Variants in GAK observed in about 807,000 individuals in gnomAD.
GAK encodes cyclin-G-associated kinase.
GAK carries 79 observed loss-of-function variants against 143.9 expected under a neutral mutation model. That is an observed-to-expected ratio of 0.55 (90% CI 0.46 to 0.66). The LOEUF is 0.66. Among genes scored for constraint, GAK ranks in the 30% least tolerant of loss-of-function variants. The pLI is 0.00. For missense variants in GAK, 1,693 were observed against 1,779.7 expected, an observed-to-expected ratio of 0.95 and a Z score of 0.88; for synonymous variants, 881 against 765.5, an observed-to-expected ratio of 1.15 and a Z score of -2.49.
chr4:849,796 A>C, intron 27 of GAK, 22 bp from the exon 28 acceptor site: 1 of 1,604,072 alleles, frequency 6.2e-7, no homozygotes, highest in Non-Finnish European at 8.5e-7. Flanking sequence ...AGGCGGTGTA[A>C]GCGCCTCTTA....
At chr4:906,374 C>A (rs142021386) in intron 4 of GAK, among the ~76,000 whole-genome samples, 108 of 152,336 alleles carry the variant, frequency 7.1e-4, no homozygotes, top group Non-Finnish European at 1.3e-3. Context: ...GTGACCCACA[C>A]CCCAGGGAGC....
intron 9 of GAK, among the ~76,000 whole-genome samples, chr4:891,043 C>T (rs945935958): frequency 1.3e-5 from 2 of 151,956 alleles, no homozygotes; most frequent in East Asian, 1.9e-4. Context: ...CCGCAACCTC[C>T]GCCTCATGAG....
chr4:899,235 C>T (rs991608084), intron 5 of GAK, among the ~76,000 whole-genome samples: 1 of 152,220 alleles, frequency 6.6e-6, no homozygotes, highest in Non-Finnish European at 1.5e-5. Flanking sequence ...CGGAAGATGG[C>T]CCAGAGGAGC....
At chr4:849,821 C>CGGGGGGG in intron 27 of GAK, 47 bp from the exon 28 acceptor site, 17 of 1,435,186 alleles carry the variant, frequency 1.2e-5, no homozygotes, top group Admixed American at 2.0e-5. Context: ...CATGCGGGGG[C>CGGGGGGG]GGGCGGGGCA....
intron 18 of GAK, 28 bp from the exon 19 acceptor site, chr4:870,932 G>C: frequency 6.3e-7 from 1 of 1,581,812 alleles, no homozygotes; most frequent in East Asian, 2.3e-5. Flanking sequence ...CACCACTTAG[G>C]AAGGCCACCC....
intron 9 of GAK, among the ~76,000 whole-genome samples, chr4:893,072 G>T (rs910979583): frequency 5.3e-5 from 8 of 152,284 alleles, no homozygotes; most frequent in African/African-American, 1.7e-4. Flanking sequence ...GGGGGATTTG[G>T]GGCTCACATG....
At position 912,873 on chromosome 4, in the gene GAK, A is replaced by C. The variant is rs190858431; in HGVS notation, c.208-79T>G. On this transcript the variant is annotated intron_variant, in intron 2 of 27. Transcript: ENST00000314167. ...CCACCCGATGCATCATCTCAGACATAAGCACGCAACAGAGCAATGCAATGT... is the reference window on the plus strand; with the variant it reads ...CCACCCGATGCATCATCTCAGACATCAGCACGCAACAGAGCAATGCAATGT... The C allele has an allele frequency of 5.4e-4, 671 of 1,239,468 alleles. 1 individual carries two copies. Among genetic ancestry groups the C allele is most frequent in the Non-Finnish European group, 7.1e-4 (599 of 849,622 alleles). 76.8% of individuals were successfully genotyped at this position (1,239,468 alleles called of 1,614,324 possible). A position where few individuals can be genotyped will look rare whatever the true frequency, so the allele number is the denominator to read the frequency against.
Position 888,858 on chromosome 4 carries a change from C to T in GAK, c.1194G>A (p.Gln398=). 1 of 1,606,972 alleles carries T rather than the reference C, an allele frequency of 6.2e-7. No individual in the cohort carries two copies. Residue 398 remains glutamine, a synonymous_variant, in exon 11 of 28, where the codon CAG becomes CAA. Transcript: ENST00000314167. ...NLKDTSSKVI[Q]SVANYAKGDL... is the part of the protein sequence containing the mutation. ...AGCCTCACACTCACTTAGCGACGGA[C>T]TGGATGACCTTGGAGGAGGTGTCCT...
At chr4:894,248 C>CT (rs138586019) in intron 7 of GAK, 45 of 281,166 alleles carry the variant, frequency 1.6e-4, no homozygotes, top group African/African-American at 1.1e-3. Context: ...ACACCCGGGC[C>CT]GCGGGGAGCG....
rs1233878870 is a variant in GAK, at chr4:883,378, T to C, written c.1341A>G (p.Pro447=). 1.9e-6 allele frequency: 3 copies of C among 1,613,794 alleles called. No individual in the cohort carries two copies. In the Admixed American group the frequency reaches 5.0e-5, roughly 27 times the overall value. The part of the protein sequence containing the change: ...DVRLFLDSKH[P]GHYAVYNLSP... ...ACAGGTTGTAGACGGCATAGTGCCC[T>C]GGGTGCTTGGAGTCCAGGAACAACC... Residue 447 remains proline (P), a synonymous_variant, in exon 13 of 28, where the codon CCA becomes CCG. Transcript: ENST00000314167.
intron 7 of GAK, among the ~76,000 whole-genome samples, chr4:895,653 C>A (rs919998985): frequency 4.6e-5 from 7 of 152,204 alleles, no homozygotes; most frequent in Admixed American, 1.3e-4. Context: ...GGCTGAATGA[C>A]GGGGTAAGGG....
chr4:850,872 A>G (rs1298157963), intron 26 of GAK, 64 bp downstream of exon 26: 1 of 1,548,546 alleles, frequency 6.5e-7, no homozygotes, highest in East Asian at 2.3e-5. Flanking sequence ...AAGGCACAGC[A>G]GATGCTCCAG....
intron 4 of GAK, among the ~76,000 whole-genome samples, chr4:910,051 G>C (rs1389451911): frequency 2.0e-5 from 3 of 152,104 alleles, no homozygotes; most frequent in Admixed American, 2.0e-4. Context: ...TGCCAGGTGT[G>C]GCATCAAGGA....
At chr4:854,733 C>T (rs1421193635) in intron 24 of GAK, among the ~76,000 whole-genome samples, 1 of 152,196 alleles carries the variant, frequency 6.6e-6, no homozygotes, top group East Asian at 1.9e-4. Flanking sequence ...TCTCCCATTT[C>T]ATTTTTCCAT....
At chr4:872,933 G>A (rs555966961) in intron 18 of GAK, among the ~76,000 whole-genome samples, 3 of 151,954 alleles carry the variant, frequency 2.0e-5, no homozygotes, top group Non-Finnish European at 2.9e-5. Context: ...GCCCAGGCAC[G>A]GCGCAGGCTC....
At chr4:902,389 G>T (rs1012463765) in intron 5 of GAK, among the ~76,000 whole-genome samples, 1 of 151,682 alleles carries the variant, frequency 6.6e-6, no homozygotes, top group African/African-American at 2.4e-5. Flanking sequence ...TGGATCACTC[G>T]AGCTCAGGAG....
At chr4:879,261 G>A (rs1413337848) in intron 15 of GAK, among the ~76,000 whole-genome samples, 2 of 152,220 alleles carry the variant, frequency 1.3e-5, no homozygotes, top group Non-Finnish European at 2.9e-5. Context: ...TTCCTGCAGT[G>A]TATGGCCGAG....
Position 932,026 on chromosome 4 carries a change from C to T in GAK, c.145+17G>A. 1 of 1,552,358 alleles carries T rather than the reference C, an allele frequency of 6.4e-7. No homozygotes were observed. The highest frequency in any genetic ancestry group is 8.8e-7 in the Non-Finnish European group (1 of 1,140,720). On this transcript the variant is annotated intron_variant, in intron 1 of 27. Coordinates refer to ENST00000314167, the MANE Select transcript of GAK (RefSeq NM_005255.4). This position sits in a 1 kb window ranked among gnomAD's most constrained non-coding sequence, Gnocchi z 4.0. ...ACACTCCGCGGCCGCACCCGCGCTG[C>T]CGACCCGGGGCCTCACCTTCGGCCA...
rs182238737 is a variant in GAK at position 876,319 on chromosome 4, C to G, written c.2054+211G>C. Among the ~76,000 whole-genome samples the G allele has an allele frequency of 1.5e-3, 235 of 152,006 alleles. 1 individual carries two copies. Among genetic ancestry groups the G allele is most frequent in the Admixed American group, 1.6e-3 (24 of 15,278 alleles). On this transcript the variant is annotated intron_variant, in intron 18 of 27. Coordinates refer to ENST00000314167, the MANE Select transcript of GAK (RefSeq NM_005255.4). Reference sequence around the variant, plus strand: ...GGCTAAATTCTAACAGACACACACACCAACGGGGGGGCAGAGCAGCAGCCA... The same window carrying G: ...GGCTAAATTCTAACAGACACACACAGCAACGGGGGGGCAGAGCAGCAGCCA...
Sources: allele counts gnomAD v4.1 joint callset (sites outside exome capture counted in the v4.1 genomes callset), GRCh38; gene constraint gnomAD v4.1.1; non-coding constraint Gnocchi (gnomAD v3.1); transcripts MANE v1.5; gene names NCBI Gene and HGNC (gene_info 2026-07-23, HGNC 2026-07-21).